The following PTPN12 variants were observed in gnomAD, a reference collection of about 807,000 sequenced individuals.
PTPN12 encodes the protein protein tyrosine phosphatase non-receptor type 12.
Under a neutral mutation model 97.6 loss-of-function variants are expected in PTPN12, and 29 were observed. The observed-to-expected ratio is 0.30, with a 90% confidence interval of 0.22 to 0.41. The LOEUF is 0.41. Ranked by LOEUF, PTPN12 falls within the 10% of genes least tolerant of loss-of-function variation. PTPN12 has a pLI of 1.00. For synonymous variants in PTPN12, 327 were observed against 300.4 expected, an observed-to-expected ratio of 1.09 and a Z score of -0.91; for missense variants, 819 against 926.0, an observed-to-expected ratio of 0.88 and a Z score of 1.50.
Position 77,625,679 on chromosome 7 carries a change from C to G in PTPN12, c.1026-1026C>G, listed in dbSNP as rs534403547. On this transcript the variant is annotated intron_variant, in intron 12 of 17. Transcript: ENST00000248594. ...CCACCTCCTGGGCTCAAGCAATTCT[C>G]CTGCCTCAGCCTCCCAAGTATCTGG... Among the ~76,000 whole-genome samples the G allele has an allele frequency of 2.8e-5, 4 of 141,840 alleles. 1 individual carries two copies. Among genetic ancestry groups the G allele is most frequent in the African/African-American group, 1.1e-4 (4 of 37,814 alleles). 93.1% of individuals were successfully genotyped at this position (141,840 alleles called of 152,430 possible).
chr7:77,626,610 A>C, intron 12 of PTPN12, 95 bp from the exon 13 acceptor site: 8 of 1,331,910 alleles, frequency 6.0e-6, no homozygotes, highest in Non-Finnish European at 8.1e-6. Flanking sequence ...ACCAGATTGT[A>C]ATGGCTCTTA....
intron 9 of PTPN12, 111 bp from the exon 10 acceptor site, chr7:77,610,654 A>C: frequency 8.9e-7 from 1 of 1,126,418 alleles, no homozygotes; most frequent in African/African-American, 1.6e-5. Flanking sequence ...GTGTTCAATA[A>C]ATGTTTGCAG....
At chr7:77,541,851 G>T (rs1806987289) in intron 1 of PTPN12, among the ~76,000 whole-genome samples, 1 of 152,184 alleles carries the variant, frequency 6.6e-6, no homozygotes, top group Non-Finnish European at 1.5e-5. Context: ...ATGGTTATTT[G>T]CATGTTGAAA....
intron 6 of PTPN12, among the ~76,000 whole-genome samples, chr7:77,597,117 TTTTGTTTG>T (rs141035734): frequency 1.2e-3 from 180 of 152,126 alleles, no homozygotes; most frequent in African/African-American, 4.0e-3. Flanking sequence ...TATAGTTTGT[TTTTGTTTG>T]TTTGTTTGTT....
At chr7:77,579,010 A>G (rs1237570906) in intron 2 of PTPN12, among the ~76,000 whole-genome samples, 1 of 152,222 alleles carries the variant, frequency 6.6e-6, no homozygotes, top group African/African-American at 2.4e-5. Flanking sequence ...TGAGAAGGAC[A>G]CAATATCGTT....
At chr7:77,636,008 C>T (rs117440594) in intron 15 of PTPN12, among the ~76,000 whole-genome samples, 159 bp downstream of exon 15, 1,843 of 152,124 alleles carry the variant, frequency 0.012, 13 homozygotes, top group Middle Eastern at 0.034. Flanking sequence ...ATGAAAAGCC[C>T]ATATAAAAGG....
At chr7:77,573,124 T>A (rs1787217275) in intron 2 of PTPN12, among the ~76,000 whole-genome samples, 21 of 123,726 alleles carry the variant, frequency 1.7e-4, no homozygotes, top group East Asian at 4.1e-4. Context: ...CCAGTGTACC[T>A]AGCACATAGT....
At chr7:77,539,945 C>T (rs1021262670) in intron 1 of PTPN12, among the ~76,000 whole-genome samples, 1 of 152,200 alleles carries the variant, frequency 6.6e-6, no homozygotes, top group Non-Finnish European at 1.5e-5. Flanking sequence ...TCCCAAAGTG[C>T]TGGGATTACA....
intron 7 of PTPN12, 144 bp downstream of exon 7, chr7:77,598,045 T>C (rs1213718883): frequency 2.7e-6 from 3 of 1,106,898 alleles, no homozygotes; most frequent in African/African-American, 3.2e-5. Context: ...CTGGGCAACA[T>C]AGTGAGATCT....
chr7:77,537,604 C>T lies in PTPN12; in HGVS notation c.58C>T (p.Pro20Ser), dbSNP rs768437437. The change falls in exon 1 of 18, where the codon CCT becomes TCT. Residue 20 changes from proline to serine, a missense_variant. Around this residue, in one of 5 missense-constraint regions of PTPN12, gnomAD observed 59 missense variants for 42.2 expected, o/e 1.40. Transcript: ENST00000248594. ...CCAGAGGGTCCAGGCCATGAAGAGT[C>T]CTGACCACAATGGGGAGGACAACTT... The part of the protein sequence containing the change: ...FIQRVQAMKS[P>S]DHNGEDNFAR... 1.7e-5 allele frequency: 27 copies of T among 1,605,818 alleles called. No homozygotes were observed. Among genetic ancestry groups the T allele is most frequent in the South Asian group, 2.2e-5 (2 of 89,654 alleles).
At chr7:77,569,069 C>T (rs1347383715) in intron 1 of PTPN12, among the ~76,000 whole-genome samples, 1 of 152,108 alleles carries the variant, frequency 6.6e-6, no homozygotes, top group African/African-American at 2.4e-5. Context: ...GCAATACAGT[C>T]ATACAATCCA....
At chr7:77,576,797 A>C (rs935071666) in intron 2 of PTPN12, among the ~76,000 whole-genome samples, 3 of 152,224 alleles carry the variant, frequency 2.0e-5, no homozygotes, top group African/African-American at 7.2e-5. Flanking sequence ...ATGGTGGCCC[A>C]AAATCATGGG....
At chr7:77,620,522 G>A (rs1455007601) in intron 12 of PTPN12, among the ~76,000 whole-genome samples, 1 of 152,176 alleles carries the variant, frequency 6.6e-6, no homozygotes, top group Non-Finnish European at 1.5e-5. Flanking sequence ...AAGTTGGGAT[G>A]ATTTTTAGAA....
intron 5 of PTPN12, among the ~76,000 whole-genome samples, chr7:77,586,825 A>G (rs986151545): frequency 6.6e-6 from 1 of 152,222 alleles, no homozygotes; most frequent in African/African-American, 2.4e-5. Flanking sequence ...CTTCACCAAA[A>G]GTATATTCCA....
At chr7:77,638,492 C>T in intron 16 of PTPN12, 132 bp from the exon 17 acceptor site, 1 of 1,269,998 alleles carries the variant, frequency 7.9e-7, no homozygotes, top group Non-Finnish European at 1.0e-6. Flanking sequence ...TGTTCTTGAC[C>T]TGTAAAATTA....
In PTPN12 at chr7:77,627,066, A is replaced by G; in HGVS notation, c.1387A>G (p.Lys463Glu). The G allele has an allele frequency of 6.2e-7, 1 of 1,614,006 alleles. No homozygotes were observed. The highest frequency in any genetic ancestry group is 8.5e-7 in the Non-Finnish European group (1 of 1,179,916). ...ACTTTTGAATAGGGGACATGCAATT[A>G]AAATTAAATCTGCTTCACCTTGTAT... Reference protein sequence around the residue: ...NTLLNRGHAIKIKSASPCIAD... With the variant: ...NTLLNRGHAIEIKSASPCIAD... The change falls in exon 13 of 18, where the codon AAA becomes GAA. Residue 463 changes from lysine (K) to glutamate (E), a missense_variant. Around this residue, in one of 5 missense-constraint regions of PTPN12, gnomAD observed 607 missense variants for 577.3 expected, o/e 1.05. Coordinates refer to ENST00000248594, the MANE Select transcript of PTPN12 (RefSeq NM_002835.4).
intron 8 of PTPN12, chr7:77,606,952 T>A (rs1468988655): frequency 9.2e-6 from 2 of 216,406 alleles, no homozygotes; most frequent in Admixed American, 1.1e-4. Flanking sequence ...TTCTAATGTA[T>A]TATTAGTTAT....
Position 77,612,770 on chromosome 7 carries a change from G to T in PTPN12, c.939+1724G>T, listed in dbSNP as rs116442410. On this transcript the variant is annotated intron_variant, in intron 11 of 17. Transcript: ENST00000248594. ...GTTTTTTGTTTGTTTTGTTTGATTGGTTTTTTTTGTTTTTTGGTTTTTGGT... is the reference window on the plus strand; with the variant it reads ...GTTTTTTGTTTGTTTTGTTTGATTGTTTTTTTTTGTTTTTTGGTTTTTGGT... Among the ~76,000 whole-genome samples, 602 of 149,586 alleles carry T rather than the reference G, an allele frequency of 4.0e-3. 1 individual carries two copies. The highest frequency in any genetic ancestry group is 0.012 in the African/African-American group (485 of 40,712).
chr7:77,585,513 T>C, intron 4 of PTPN12, 30 bp from the exon 5 acceptor site: 1 of 1,588,784 alleles, frequency 6.3e-7, no homozygotes, highest in East Asian at 2.2e-5. Flanking sequence ...TGATACGTTC[T>C]TTATCTCACT....
Sources: gnomAD v4.1 joint callset for allele counts (sites outside exome capture counted in the v4.1 genomes callset) on GRCh38, gnomAD v4.1.1 for gene constraint, gnomAD v4.1.1 regional missense constraint, MANE v1.5 for transcripts, NCBI Gene and HGNC (gene_info 2026-07-23, HGNC 2026-07-21) for gene names.